The following MICAL3 variants were observed in gnomAD, a reference collection of about 807,000 sequenced individuals.
The protein encoded by MICAL3 is [F-actin]-monooxygenase MICAL3.
A neutral mutation model predicts 207.4 loss-of-function variants in MICAL3; 62 were observed. That is an observed-to-expected ratio of 0.30 (90% CI 0.24 to 0.37). MICAL3 has a LOEUF of 0.37. Ranked by LOEUF, MICAL3 falls within the 10% of genes least tolerant of loss-of-function variation. MICAL3 has a pLI of 1.00. For synonymous variants in MICAL3, 1,077 were observed against 1,069.3 expected (o/e 1.01, Z -0.14); for missense variants, 2,368 against 2,635.6 (o/e 0.90, Z 2.22).
chr22:17,949,829 C>T (rs1934246421), intron 1 of MICAL3, among the ~76,000 whole-genome samples: 1 of 152,236 alleles, frequency 6.6e-6, no homozygotes. Context: ...GGGGCAGATA[C>T]TCCCTGTGTG....
In MICAL3 at chr22:17,817,844, C is replaced by A. The variant is rs544700242; in HGVS notation, c.4817G>T (p.Ser1606Ile). The stretch of plus-strand genomic sequence containing the variant: ...GGCCATGGCGTCCCGCAGCGCCTGG[C>A]TCTTCACGGACTTCTCCCTGGCTCG... Reference protein sequence around the residue: ...RMRAREKSVKSQALRDAMARQ... With the variant: ...RMRAREKSVKIQALRDAMARQ... The change falls in exon 26 of 32, where the codon AGC becomes ATC. Residue 1606 changes from serine (S) to isoleucine (I), a missense_variant. Physicochemically the swap from Ser to Ile is moderately radical, Grantham distance 142. This residue lies in a region of MICAL3 where 1,770 missense variants were observed against 1,863.2 expected (regional missense o/e 0.95). Coordinates refer to ENST00000441493, the MANE Select transcript of MICAL3 (RefSeq NM_015241.3). The A allele has an allele frequency of 1.1e-5, 18 of 1,612,074 alleles. No individual in the cohort carries two copies. The East Asian group carries it at 4.0e-4, about 36-fold the overall frequency.
Position 17,818,448 on chromosome 22 carries a change from G to T in MICAL3, c.4213C>A (p.Arg1405=), listed in dbSNP as rs143411730. The T allele has an allele frequency of 9.4e-5, 151 of 1,612,616 alleles. 2 individuals are homozygous for T. In the East Asian group the frequency reaches 2.9e-3, roughly 30 times the overall value. Residue 1405 remains arginine, a synonymous_variant, in exon 26 of 32, where the codon CGG becomes AGG. Transcript: ENST00000441493. The stretch of plus-strand genomic sequence containing the variant: ...CGTAGCTCTCTGTCGGACGGGGACC[G>T]GGGGGTTGGCAGGGACAACGGCTCG... ...EGEPLSLPTP[R]SPSDRELRSA...
chr22:17,844,378 T>C (rs1924415972), intron 19 of MICAL3, among the ~76,000 whole-genome samples: 1 of 152,216 alleles, frequency 6.6e-6, no homozygotes, highest in South Asian at 2.1e-4. Flanking sequence ...GCAATTTTTG[T>C]AGCACGACAG....
At chr22:17,922,358 A>G (rs1932820916) in intron 1 of MICAL3, among the ~76,000 whole-genome samples, 1 of 152,152 alleles carries the variant, frequency 6.6e-6, no homozygotes, top group South Asian at 2.1e-4. Context: ...AACTACACAA[A>G]AGGAGAAAGG....
rs542042808 is a variant in MICAL3, at chr22:17,790,290, G to C, written c.*442C>G. 1 of 161,332 alleles carries C rather than the reference G, an allele frequency of 6.2e-6. No homozygotes were observed. The highest frequency in any genetic ancestry group is 1.9e-4 in the South Asian group (1 of 5,336). 10.0% of individuals were successfully genotyped at this position (161,332 alleles called of 1,614,324 possible). Reference sequence around the variant, plus strand: ...CACCCTGACCCCTGACCCTGCTTTCGTGGGGTATTGTTTACGTTTCTTTGG... The same window carrying C: ...CACCCTGACCCCTGACCCTGCTTTCCTGGGGTATTGTTTACGTTTCTTTGG... On this transcript the variant is annotated 3_prime_UTR_variant, in exon 32 of 32. Coordinates refer to ENST00000441493, the MANE Select transcript of MICAL3 (RefSeq NM_015241.3).
intron 29 of MICAL3, among the ~76,000 whole-genome samples, chr22:17,803,295 T>C (rs375389507): frequency 6.6e-6 from 1 of 152,136 alleles, no homozygotes; most frequent in Non-Finnish European, 1.5e-5. Flanking sequence ...GGCTTTGAGT[T>C]TGGTGACTCC....
intron 17 of MICAL3, 50 bp from the exon 18 acceptor site, chr22:17,866,062 C>G: frequency 2.2e-6 from 3 of 1,356,348 alleles, no homozygotes; most frequent in Non-Finnish European, 3.2e-6. Context: ...GGCACGGATC[C>G]TGAACGTGCC....
At chr22:17,823,112 G>T in intron 22 of MICAL3, 52 bp from the exon 23 acceptor site, 2 of 1,244,664 alleles carry the variant, frequency 1.6e-6, no homozygotes, top group Non-Finnish European at 2.4e-6. Flanking sequence ...CAGACAGACA[G>T]GCTGCATCTT....
chr22:17,879,290 C>T (rs571086324), intron 16 of MICAL3: 141 of 1,487,890 alleles, frequency 9.5e-5, no homozygotes, highest in Admixed American at 2.9e-4. Flanking sequence ...ACCACCACAG[C>T]GTGCCCCGTG....
intron 1 of MICAL3, among the ~76,000 whole-genome samples, chr22:18,022,097 C>T (rs1924516025): frequency 6.6e-6 from 1 of 152,058 alleles, no homozygotes; most frequent in African/African-American, 2.4e-5. Context: ...TCCTTGAGCC[C>T]CTTAGTCATT....
chr22:17,839,565 C>A (rs62238921), intron 20 of MICAL3: 1 of 116,258 alleles, frequency 8.6e-6, no homozygotes, highest in African/African-American at 4.3e-5. Flanking sequence ...CTGGGCTCTT[C>A]CCTTTTTTTT....
chr22:17,802,355 T>C (rs1002909757), intron 29 of MICAL3, among the ~76,000 whole-genome samples: 1 of 152,214 alleles, frequency 6.6e-6, no homozygotes, highest in Non-Finnish European at 1.5e-5. Context: ...GTGAATTTTT[T>C]CACACAGTGA....
At chr22:17,906,936 T>TATG in intron 1 of MICAL3, 50 bp from the exon 2 acceptor site, 1 of 977,378 alleles carries the variant, frequency 1.0e-6, no homozygotes, top group East Asian at 2.4e-5. Context: ...TCTACAAACA[T>TATG]TCTCCAGGAG....
intron 28 of MICAL3, 107 bp downstream of exon 28, chr22:17,810,596 G>A (rs770206965): frequency 5.6e-5 from 50 of 889,902 alleles, no homozygotes; most frequent in Non-Finnish European, 8.4e-5. Context: ...GTCTACCTCT[G>A]CTCTGCTCTG....
chr22:17,960,579 C>T lies in MICAL3; in HGVS notation c.-74-53693G>A, dbSNP rs868495773. ...TGGGAAGGAGACTCCAGGAGCTCTG[C>T]GAACTGTTCTGGAACTGGACCTGTT... is the stretch of plus-strand genomic sequence containing the variant. On this transcript the variant is annotated intron_variant, in intron 1 of 31. Transcript: ENST00000441493. Among the ~76,000 whole-genome samples the T allele has an allele frequency of 7.2e-5, 11 of 152,024 alleles. 1 individual carries two copies. Among genetic ancestry groups the T allele is most frequent in the African/African-American group, 7.3e-5 (3 of 41,324 alleles).
At position 17,790,198 on chromosome 22, in the gene MICAL3, G is replaced by C. The variant is rs965685864; in HGVS notation, c.*534C>G. 1 of 153,028 alleles carries C rather than the reference G, an allele frequency of 6.5e-6. No individual in the cohort carries two copies. The highest frequency in any genetic ancestry group is 1.5e-5 in the Non-Finnish European group (1 of 68,696). The allele number at this position is 153,028 out of a possible 1,614,324, so 9.5% of individuals were successfully genotyped here. A position where few individuals can be genotyped will look rare whatever the true frequency, so the allele number is the denominator to read the frequency against. ...TGCATAATAATTCAGGAGCCTGCCC[G>C]CACCTCCATGTCTCCTGTGATGCTG... On this transcript the variant is annotated 3_prime_UTR_variant, in exon 32 of 32. Coordinates refer to ENST00000441493, the MANE Select transcript of MICAL3 (RefSeq NM_015241.3).
rs139242355 is a variant in MICAL3 at position 17,822,790 on chromosome 22, G to A, written c.3307+157C>T. Among the ~76,000 whole-genome samples, 201 of 152,334 alleles carry A rather than the reference G, an allele frequency of 1.3e-3. 1 individual carries two copies. Among genetic ancestry groups the A allele is most frequent in the African/African-American group, 4.8e-3 (198 of 41,574 alleles). ...GTCGCCTGGTGCTCGTGGGTAGGTGGTGGTTGGGTGGAATGAGATGCATTC... is the reference window on the plus strand; with the variant it reads ...GTCGCCTGGTGCTCGTGGGTAGGTGATGGTTGGGTGGAATGAGATGCATTC... On this transcript the variant is annotated intron_variant, in intron 23 of 31. Coordinates refer to ENST00000441493, the MANE Select transcript of MICAL3 (RefSeq NM_015241.3).
intron 17 of MICAL3, among the ~76,000 whole-genome samples, chr22:17,866,939 T>C (rs960160924): frequency 2.6e-5 from 4 of 152,258 alleles, no homozygotes; most frequent in Non-Finnish European, 5.9e-5. Flanking sequence ...AACCCTACTA[T>C]AGAAACTGTT....
At chr22:17,996,134 T>TAAAAA in intron 1 of MICAL3, among the ~76,000 whole-genome samples, 1 of 93,598 alleles carries the variant, frequency 1.1e-5, no homozygotes, top group Non-Finnish European at 2.1e-5. Flanking sequence ...TGTCTCAATT[T>TAAAAA]AAAAAAAAAA....
Sources: gnomAD v4.1 joint callset for allele counts (sites outside exome capture counted in the v4.1 genomes callset) on GRCh38, gnomAD v4.1.1 for gene constraint, gnomAD v4.1.1 regional missense constraint, MANE v1.5 for transcripts, NCBI Gene and HGNC (gene_info 2026-07-23, HGNC 2026-07-21) for gene names.